The following SHANK2 variants were observed in gnomAD, a reference collection of about 807,000 sequenced individuals.
The protein encoded by SHANK2 is SH3 and multiple ankyrin repeat domains protein 2.
SHANK2 carries 43 observed loss-of-function variants against 133.7 expected under a neutral mutation model. That is an observed-to-expected ratio of 0.32 (90% CI 0.25 to 0.41). SHANK2 has a LOEUF of 0.41. SHANK2 is among the 10% of genes least tolerant of loss of function. The pLI is 1.00. For missense variants in SHANK2, 1,994 were observed against 2,235.8 expected, an observed-to-expected ratio of 0.89 and a Z score of 2.18; for synonymous variants, 1,017 against 952.8, an observed-to-expected ratio of 1.07 and a Z score of -1.24.
At chr11:70,826,196 G>A (rs1555057181) in intron 11 of SHANK2, among the ~76,000 whole-genome samples, 2 of 152,116 alleles carry the variant, frequency 1.3e-5, no homozygotes, top group Non-Finnish European at 2.9e-5. Flanking sequence ...TCCGTGGCAC[G>A]GTCCCCACGG....
At chr11:71,211,994 G>A (rs1343880575) in intron 2 of SHANK2, among the ~76,000 whole-genome samples, 1 of 152,084 alleles carries the variant, frequency 6.6e-6, no homozygotes, top group Non-Finnish European at 1.5e-5. Flanking sequence ...CTTTCACTGA[G>A]GTCAAAGATA....
intron 17 of SHANK2, among the ~76,000 whole-genome samples, chr11:70,646,605 G>A (rs1428490553): frequency 6.6e-6 from 1 of 152,194 alleles, no homozygotes; most frequent in Non-Finnish European, 1.5e-5. Flanking sequence ...ATTCAAATCT[G>A]TTTCACCAAC....
intron 14 of SHANK2, among the ~76,000 whole-genome samples, chr11:70,750,306 C>A (rs1371852203): frequency 6.6e-6 from 1 of 152,166 alleles, no homozygotes; most frequent in Non-Finnish European, 1.5e-5. Flanking sequence ...GGAGATCTTC[C>A]CTTTCATTCT....
At chr11:70,891,493 C>T (rs1340241957) in intron 11 of SHANK2, among the ~76,000 whole-genome samples, 1 of 152,142 alleles carries the variant, frequency 6.6e-6, no homozygotes, top group Non-Finnish European at 1.5e-5. Context: ...CAGAGCAAGA[C>T]TCTGTCTTAA....
At chr11:71,187,803 GTGTCT>G (rs1953704091) in intron 2 of SHANK2, among the ~76,000 whole-genome samples, 1 of 152,188 alleles carries the variant, frequency 6.6e-6, no homozygotes, top group East Asian at 1.9e-4. Flanking sequence ...GTTAGAGACA[GTGTCT>G]TCCTCTGGAG....
At chr11:71,193,086 T>TTAG (rs1369135110) in intron 2 of SHANK2, among the ~76,000 whole-genome samples, 2 of 152,342 alleles carry the variant, frequency 1.3e-5, no homozygotes, top group African/African-American at 2.4e-5. Flanking sequence ...TATTGCCATG[T>TTAG]TAGATACACA....
At chr11:71,201,972 G>C (rs1309338866) in intron 2 of SHANK2, among the ~76,000 whole-genome samples, 3 of 152,244 alleles carry the variant, frequency 2.0e-5, no homozygotes, top group African/African-American at 7.2e-5. Flanking sequence ...CTGTTCTACA[G>C]GATACCGACC....
intron 10 of SHANK2, among the ~76,000 whole-genome samples, chr11:70,926,085 C>A (rs1318827678): frequency 1.3e-5 from 2 of 152,144 alleles, no homozygotes; most frequent in African/African-American, 4.8e-5. Flanking sequence ...CCAGCCTGGG[C>A]AACATGGTGA....
intron 14 of SHANK2, among the ~76,000 whole-genome samples, chr11:70,763,199 T>A (rs1947031360): frequency 1.3e-5 from 2 of 152,196 alleles, no homozygotes; most frequent in Admixed American, 6.5e-5. Context: ...AGGGTGGGTC[T>A]AAGTTACAAC....
intron 14 of SHANK2, among the ~76,000 whole-genome samples, chr11:70,789,203 T>A (rs1022360441): frequency 6.6e-6 from 1 of 152,070 alleles, no homozygotes; most frequent in African/African-American, 2.4e-5. Context: ...TCCTTATGAA[T>A]AAGCGGGGAT....
At chr11:70,943,650 T>C (rs1368504711) in intron 10 of SHANK2, among the ~76,000 whole-genome samples, 27 of 152,154 alleles carry the variant, frequency 1.8e-4, no homozygotes, top group Admixed American at 1.8e-3. Flanking sequence ...GCACTGACCC[T>C]GAAATGCAGT....
chr11:70,734,458 G>T (rs895486055), intron 14 of SHANK2, among the ~76,000 whole-genome samples: 1 of 152,186 alleles, frequency 6.6e-6, no homozygotes, highest in African/African-American at 2.4e-5. Context: ...ACAGCTCAGG[G>T]TGCCTGTAGC....
At chr11:70,928,098 G>A (rs1390296667) in intron 10 of SHANK2, among the ~76,000 whole-genome samples, 2 of 151,946 alleles carry the variant, frequency 1.3e-5, no homozygotes, top group Admixed American at 1.3e-4. Flanking sequence ...ATATATACAT[G>A]TATCTTATTG....
chr11:70,609,553 C>T (rs1554993542), intron 17 of SHANK2, among the ~76,000 whole-genome samples: 6 of 152,082 alleles, frequency 3.9e-5, no homozygotes, highest in Non-Finnish European at 8.8e-5. Flanking sequence ...GGAAACAGCC[C>T]CAACGCACAT....
intron 14 of SHANK2, among the ~76,000 whole-genome samples, chr11:70,743,230 C>T (rs1487428027): frequency 3.3e-5 from 5 of 152,204 alleles, no homozygotes; most frequent in Non-Finnish European, 7.3e-5. Context: ...GGGCAGCGCT[C>T]GAGCTGCACG....
chr11:71,111,436 C>G (rs1182597770), intron 5 of SHANK2, among the ~76,000 whole-genome samples: 1 of 152,222 alleles, frequency 6.6e-6, no homozygotes, highest in Non-Finnish European at 1.5e-5. Context: ...GGGGTGGGAA[C>G]TTTCCCAGCC....
At chr11:71,099,400 A>C (rs1165639904) in intron 6 of SHANK2, among the ~76,000 whole-genome samples, 1 of 152,226 alleles carries the variant, frequency 6.6e-6, no homozygotes, top group African/African-American at 2.4e-5. Context: ...TAAGGGGGGA[A>C]GCTGGGTATA....
chr11:70,772,138 GC>G (rs1350873526), intron 14 of SHANK2, among the ~76,000 whole-genome samples: 2 of 151,996 alleles, frequency 1.3e-5, no homozygotes, highest in Non-Finnish European at 2.9e-5. Context: ...GTGGGTACAA[GC>G]CCCCCTAGTT....
chr11:70,522,111 A>G (rs1420456031), intron 17 of SHANK2, among the ~76,000 whole-genome samples: 1 of 152,208 alleles, frequency 6.6e-6, no homozygotes, highest in African/African-American at 2.4e-5. Flanking sequence ...AGCCTCTTGC[A>G]GTTCCGCCAC....
Sources: gnomAD v4.1 joint callset for allele counts (sites outside exome capture counted in the v4.1 genomes callset) on GRCh38, gnomAD v4.1.1 for gene constraint, MANE v1.5 for transcripts, NCBI Gene and HGNC (gene_info 2026-07-23, HGNC 2026-07-21) for gene names.